Variants in CCDC102B observed in about 807,000 individuals in gnomAD.
CCDC102B encodes coiled-coil domain containing 102B, also known as coiled-coil domain-containing protein 102B.
A neutral mutation model predicts 57.4 loss-of-function variants in CCDC102B; 75 were observed. The observed-to-expected ratio is 1.31, with a 90% CI of 1.08 to 1.58. CCDC102B has a LOEUF of 1.58. CCDC102B is among the 40% of genes most tolerant of loss of function. The pLI is 0.00. For missense variants in CCDC102B, 636 were observed against 582.6 expected (o/e 1.09, Z -0.94); for synonymous variants, 206 against 201.9 (o/e 1.02, Z -0.17).
intron 6 of CCDC102B, among the ~76,000 whole-genome samples, chr18:68,992,344 G>T (rs1169987785): frequency 6.6e-6 from 1 of 152,128 alleles, no homozygotes. Flanking sequence ...TGAGCTCAGG[G>T]TGGGTAAGGT....
rs1216848358 is a variant in CCDC102B, at chr18:69,022,387, TC to T, written c.1434+11284del. On this transcript the variant is annotated intron_variant, in intron 7 of 7. Transcript: ENST00000360242. ...TATACACACACACAATATACTTTTT[TC>T]TTTTGAATAATGTTGGATAATTTGT... Among the ~76,000 whole-genome samples the T allele has an allele frequency of 6.6e-5, 10 of 151,870 alleles. No homozygotes were observed. The East Asian group carries it at 1.9e-3, about 29-fold the overall frequency.
intron 2 of CCDC102B, among the ~76,000 whole-genome samples, chr18:68,758,502 A>T (rs1454414913): frequency 6.6e-6 from 1 of 151,980 alleles, no homozygotes; most frequent in Non-Finnish European, 1.5e-5. Flanking sequence ...GCTCTAGTGC[A>T]CCATTATCAG....
At chr18:68,898,511 G>A (rs2040321945) in intron 6 of CCDC102B, among the ~76,000 whole-genome samples, 1 of 152,042 alleles carries the variant, frequency 6.6e-6, no homozygotes, top group Non-Finnish European at 1.5e-5. Flanking sequence ...TCTGACATAT[G>A]TACACTGATA....
chr18:68,893,901 T>C (rs1347126912), intron 5 of CCDC102B, among the ~76,000 whole-genome samples: 1 of 152,072 alleles, frequency 6.6e-6, no homozygotes, highest in African/African-American at 2.4e-5. Context: ...TCTCCCCAAA[T>C]CCTAACATTC....
intron 4 of CCDC102B, among the ~76,000 whole-genome samples, chr18:68,865,136 G>A (rs2038919132): frequency 2.0e-5 from 3 of 152,140 alleles, no homozygotes; most frequent in Middle Eastern, 3.4e-3. Context: ...CACAAATCAG[G>A]TTGTGTAAAA....
intron 4 of CCDC102B, among the ~76,000 whole-genome samples, chr18:68,849,281 A>T (rs961662761): frequency 6.6e-6 from 1 of 152,148 alleles, no homozygotes; most frequent in Admixed American, 6.6e-5. Flanking sequence ...AGGTCCTTGA[A>T]GATAGTTATT....
downstream of CCDC102B, among the ~76,000 whole-genome samples, chr18:69,056,205 T>A (rs142504317): frequency 2.8e-3 from 424 of 152,214 alleles, 2 homozygotes; most frequent in African/African-American, 9.0e-3. Flanking sequence ...AGTAAACATT[T>A]GGTTTGTACA....
chr18:68,771,183 G>A (rs1352231854), intron 2 of CCDC102B, among the ~76,000 whole-genome samples: 1 of 152,166 alleles, frequency 6.6e-6, no homozygotes, highest in East Asian at 1.9e-4. Context: ...TGGTGTTTAG[G>A]TAAATGGTCC....
chr18:69,022,175 G>C (rs2051852654), intron 7 of CCDC102B, among the ~76,000 whole-genome samples: 1 of 142,244 alleles, frequency 7.0e-6, no homozygotes, highest in Non-Finnish European at 1.5e-5. Flanking sequence ...GCATTTATTA[G>C]ACCCATTATC....
At chr18:68,904,128 AATT>A (rs2040544395) in intron 6 of CCDC102B, among the ~76,000 whole-genome samples, 1 of 151,666 alleles carries the variant, frequency 6.6e-6, no homozygotes, top group Non-Finnish European at 1.5e-5. Flanking sequence ...ATAAAATAGA[AATT>A]ATTATAGATA....
At chr18:68,848,890 CA>C (rs1208125928) in intron 4 of CCDC102B, among the ~76,000 whole-genome samples, 2 of 152,010 alleles carry the variant, frequency 1.3e-5, no homozygotes, top group Non-Finnish European at 2.9e-5. Flanking sequence ...TACTTGCTAA[CA>C]TTTAAAAATT....
intron 7 of CCDC102B, among the ~76,000 whole-genome samples, chr18:69,013,263 A>G (rs1351868638): frequency 6.6e-6 from 1 of 152,026 alleles, no homozygotes; most frequent in Non-Finnish European, 1.5e-5. Flanking sequence ...TTTTTTTAAC[A>G]GAAAGCACTC....
At chr18:68,797,760 T>A (rs1228786883), upstream of CCDC102B, among the ~76,000 whole-genome samples, 1 of 151,112 alleles carries the variant, frequency 6.6e-6, no homozygotes, top group Non-Finnish European at 1.5e-5. Context: ...TCCTGGGCTT[T>A]TTTTTTTTTT....
Position 68,904,080 on chromosome 18 carries a change from C to A in CCDC102B, c.1263+6652C>A, listed in dbSNP as rs148241985. Among the ~76,000 whole-genome samples the A allele has an allele frequency of 1.1e-4, 16 of 151,026 alleles. No individual in the cohort carries two copies. The East Asian group carries it at 3.1e-3, about 29-fold the overall frequency. On this transcript the variant is annotated intron_variant, in intron 6 of 7. Coordinates refer to ENST00000360242, the MANE Select transcript of CCDC102B (RefSeq NM_024781.3). Reference sequence around the variant, plus strand: ...CAAATCTTACTATTATTTATAAAATCATTCACTTAAGAATACACAATTACA... The same window carrying A: ...CAAATCTTACTATTATTTATAAAATAATTCACTTAAGAATACACAATTACA...
intron 1 of CCDC102B, among the ~76,000 whole-genome samples, chr18:68,827,528 G>A (rs544342374): frequency 3.3e-5 from 5 of 151,966 alleles, no homozygotes; most frequent in Non-Finnish European, 7.4e-5. Flanking sequence ...TATCAGCCAG[G>A]TGGAATCCAA....
chr18:68,884,917 G>A (rs2039827757), intron 5 of CCDC102B, among the ~76,000 whole-genome samples: 1 of 151,738 alleles, frequency 6.6e-6, no homozygotes, highest in Non-Finnish European at 1.5e-5. Flanking sequence ...GTGAGGTGAT[G>A]TATATGCTAA....
chr18:68,917,458 C>T (rs951486195), intron 6 of CCDC102B, among the ~76,000 whole-genome samples: 1 of 152,154 alleles, frequency 6.6e-6, no homozygotes, highest in Non-Finnish European at 1.5e-5. Flanking sequence ...GCTAACTCTT[C>T]CTCCGTTATA....
intron 7 of CCDC102B, among the ~76,000 whole-genome samples, chr18:69,035,831 C>G (rs2052276044): frequency 6.6e-6 from 1 of 152,090 alleles, no homozygotes; most frequent in African/African-American, 2.4e-5. Flanking sequence ...TGTAAAGGTT[C>G]TGCATTGCAT....
chr18:68,733,508 T>TATA (rs1568222920), intron 2 of CCDC102B, among the ~76,000 whole-genome samples: 6,536 of 90,264 alleles, frequency 0.072, 365 homozygotes, highest in Non-Finnish European at 0.09. Context: ...ATATATATAT[T>TATA]TTTTTAACTT....
Sources: gnomAD v4.1 joint callset for allele counts (sites outside exome capture counted in the v4.1 genomes callset) on GRCh38, gnomAD v4.1.1 for gene constraint, MANE v1.5 for transcripts, NCBI Gene and HGNC (gene_info 2026-07-23, HGNC 2026-07-21) for gene names.